The following CNKSR3 variants were observed in gnomAD, a reference collection of about 807,000 sequenced individuals.
CNKSR3 encodes the protein connector enhancer of kinase suppressor of ras 3.
In CNKSR3, 36 loss-of-function variants were observed where a neutral mutation model predicts 67.7. The observed-to-expected ratio is 0.53, with a 90% confidence interval of 0.41 to 0.70. The LOEUF is 0.70. CNKSR3 is among the 30% of genes least tolerant of loss of function. The pLI is 0.00. For synonymous variants in CNKSR3, 281 were observed against 271.4 expected (o/e 1.04, Z -0.35); for missense variants, 630 against 695.2 (o/e 0.91, Z 1.05).
chr6:154,459,132 GAGAA>G (rs749453564), intron 1 of CNKSR3, among the ~76,000 whole-genome samples: 433 of 148,020 alleles, frequency 2.9e-3, no homozygotes, highest in East Asian at 5.6e-3. Context: ...GAAAAAGAGA[GAGAA>G]AGAAAGAAAG....
intron 9 of CNKSR3, among the ~76,000 whole-genome samples, chr6:154,421,606 C>T (rs963549029): frequency 6.6e-6 from 1 of 151,996 alleles, no homozygotes; most frequent in Non-Finnish European, 1.5e-5. Flanking sequence ...GAGGGTATAT[C>T]GTTTGAAAGG....
intron 1 of CNKSR3, among the ~76,000 whole-genome samples, chr6:154,475,962 A>C (rs941287625): frequency 1.3e-5 from 2 of 152,154 alleles, no homozygotes; most frequent in Non-Finnish European, 1.5e-5. Context: ...CAGTGTAAGA[A>C]GGCTTGGGGG....
intron 9 of CNKSR3, among the ~76,000 whole-genome samples, chr6:154,415,564 A>G (rs1237758976): frequency 6.6e-6 from 1 of 152,110 alleles, no homozygotes; most frequent in East Asian, 1.9e-4. Flanking sequence ...CAAGTCACAC[A>G]ATGTCTCTGT....
chr6:154,454,818 G>A (rs1785916977), intron 1 of CNKSR3, among the ~76,000 whole-genome samples: 1 of 150,542 alleles, frequency 6.6e-6, no homozygotes, highest in African/African-American at 2.4e-5. Context: ...CACTATACCT[G>A]GCAGAAAAAA....
chr6:154,421,040 G>T (rs568289706), intron 9 of CNKSR3, among the ~76,000 whole-genome samples: 1 of 152,250 alleles, frequency 6.6e-6, no homozygotes, highest in Non-Finnish European at 1.5e-5. Flanking sequence ...TTGAGACAGG[G>T]TCTCACTCTG....
At chr6:154,439,969 T>C (rs1467525760) in intron 4 of CNKSR3, among the ~76,000 whole-genome samples, 1 of 152,188 alleles carries the variant, frequency 6.6e-6, no homozygotes, top group African/African-American at 2.4e-5. Flanking sequence ...ACACTCAAGG[T>C]AGGTATCAGG....
Position 154,481,086 on chromosome 6 carries a change from T to G in CNKSR3, c.52+28977A>C, listed in dbSNP as rs993919359. ...TATTTGATAGCAGTCTTATGCTTAT[T>G]CGATATTTATTTATTTTGCTTATGT... On this transcript the variant is annotated intron_variant, in intron 1 of 12. Transcript: ENST00000607772. 7.9e-4 allele frequency among the ~76,000 whole-genome samples: 120 copies of G among 152,318 alleles called. 1 individual carries two copies. Among genetic ancestry groups the G allele is most frequent in the African/African-American group, 2.8e-3 (115 of 41,588 alleles).
chr6:154,463,381 C>G (rs1786125204), intron 1 of CNKSR3, among the ~76,000 whole-genome samples: 1 of 152,112 alleles, frequency 6.6e-6, no homozygotes, highest in Admixed American at 6.6e-5. Flanking sequence ...CTTCACCTTT[C>G]TTTCATATAT....
At chr6:154,477,290 T>C (rs1786472019) in intron 1 of CNKSR3, among the ~76,000 whole-genome samples, 1 of 151,784 alleles carries the variant, frequency 6.6e-6, no homozygotes, top group Non-Finnish European at 1.5e-5. Context: ...AAAAAAAAAA[T>C]TCTGAGCTTC....
rs757691601 is a variant in CNKSR3, at chr6:154,510,106, G to C, written c.9C>G (p.Pro3=). 3 of 1,614,112 alleles carry C rather than the reference G, an allele frequency of 1.9e-6. No individual in the cohort carries two copies. The Admixed American group carries it at 5.0e-5, about 27-fold the overall frequency. Residue 3 remains proline (P), a synonymous_variant, in exon 1 of 13, where the codon CCC becomes CCG. Coordinates refer to ENST00000607772, the MANE Select transcript of CNKSR3 (RefSeq NM_173515.4). ME[P]VTKWSPKQVV... is the part of the protein sequence containing the mutation. ...CTTGTTTGGGGCTCCACTTGGTCAC[G>C]GGTTCCATGGTAAACCGCTTCGCCT...
intron 4 of CNKSR3, among the ~76,000 whole-genome samples, chr6:154,438,608 A>T (rs895669179): frequency 6.6e-6 from 1 of 152,216 alleles, no homozygotes; most frequent in African/African-American, 2.4e-5. Context: ...AATTAATGGT[A>T]GAGGTAGGAT....
intron 2 of CNKSR3, among the ~76,000 whole-genome samples, chr6:154,444,073 G>C (rs1785658349): frequency 6.6e-6 from 1 of 152,096 alleles, no homozygotes; most frequent in Admixed American, 6.5e-5. Context: ...AGTTGCCTCT[G>C]TATGTCCTAA....
Position 154,389,747 on chromosome 6 carries a change from C to T in CNKSR3, c.*16607G>A, listed in dbSNP as rs548869371. On this transcript the variant is annotated 3_prime_UTR_variant, in exon 13 of 13. Coordinates refer to ENST00000607772, the MANE Select transcript of CNKSR3 (RefSeq NM_173515.4). ...ACAAAAATCAGTTGCGATTTCTATA[C>T]ATTAACACAGAACTATCTAAAAAGG... 5.9e-5 allele frequency: 9 copies of T among 152,284 alleles called. 1 individual carries two copies. The South Asian group carries it at 6.2e-4, about 11-fold the overall frequency. 9.4% of individuals were successfully genotyped at this position (152,284 alleles called of 1,614,324 possible).
chr6:154,493,567 A>C (rs1274503587), intron 1 of CNKSR3, among the ~76,000 whole-genome samples: 3 of 152,132 alleles, frequency 2.0e-5, no homozygotes, highest in Non-Finnish European at 4.4e-5. Context: ...GGGTGAGGGG[A>C]GTTGGAGTTA....
intron 9 of CNKSR3, among the ~76,000 whole-genome samples, chr6:154,416,431 T>C (rs1785025759): frequency 6.6e-6 from 1 of 152,196 alleles, no homozygotes; most frequent in Non-Finnish European, 1.5e-5. Flanking sequence ...CATCTCAACA[T>C]GTCAATTTCG....
intron 1 of CNKSR3, among the ~76,000 whole-genome samples, chr6:154,478,749 A>G (rs767306340): frequency 3.9e-5 from 6 of 152,206 alleles, no homozygotes; most frequent in Non-Finnish European, 8.8e-5. Flanking sequence ...GCATCTTTTA[A>G]AAGTCCTTTT....
chr6:154,457,297 A>G (rs1785979818), intron 1 of CNKSR3, among the ~76,000 whole-genome samples: 1 of 152,172 alleles, frequency 6.6e-6, no homozygotes, highest in African/African-American at 2.4e-5. Context: ...ACCCAGTTAC[A>G]TCACTTGGAA....
intron 1 of CNKSR3, among the ~76,000 whole-genome samples, chr6:154,465,657 A>G (rs1244286128): frequency 6.6e-6 from 1 of 152,198 alleles, no homozygotes; most frequent in African/African-American, 2.4e-5. Context: ...GATCTCTGGA[A>G]AGTACAGTTT....
chr6:154,399,133 C>T lies in CNKSR3; in HGVS notation c.*7221G>A, dbSNP rs1784690760. 6.6e-6 allele frequency: 1 copy of T among 151,746 alleles called. No individual in the cohort carries two copies. The highest frequency in any genetic ancestry group is 6.6e-5 in the Admixed American group (1 of 15,220). The allele number at this position is 151,746 out of a possible 1,614,324, so 9.4% of individuals were successfully genotyped here. The stretch of plus-strand genomic sequence containing the variant: ...ACAGACTTTTGTCATTTCTTGAGTT[C>T]TGAATCGGCTAAAACATCCGAGTGA... On this transcript the variant is annotated 3_prime_UTR_variant, in exon 13 of 13. Coordinates refer to ENST00000607772, the MANE Select transcript of CNKSR3 (RefSeq NM_173515.4).
Sources: allele counts gnomAD v4.1 joint callset (sites outside exome capture counted in the v4.1 genomes callset), GRCh38; gene constraint gnomAD v4.1.1; transcripts MANE v1.5; gene names NCBI Gene and HGNC (gene_info 2026-07-23, HGNC 2026-07-21).